Variants in TMPRSS11F observed in about 807,000 individuals in gnomAD.
TMPRSS11F encodes the protein transmembrane serine protease 11F.
Under a neutral mutation model 60.2 loss-of-function variants are expected in TMPRSS11F, and 47 were observed. The observed-to-expected ratio is 0.78, with a 90% CI of 0.62 to 1.00. The LOEUF is 1.00. TMPRSS11F is among the 50% of genes least tolerant of loss of function. TMPRSS11F has a pLI of 0.00. For missense variants in TMPRSS11F, 519 were observed against 522.9 expected, an observed-to-expected ratio of 0.99 and a Z score of 0.07; for synonymous variants, 166 against 167.3, an observed-to-expected ratio of 0.99 and a Z score of 0.06.
rs1724221874 is a variant in TMPRSS11F at position 68,102,951 on chromosome 4, C to A, written c.12-3913G>T. On this transcript the variant is annotated intron_variant, in intron 1 of 9. Coordinates refer to ENST00000356291, the MANE Select transcript of TMPRSS11F (RefSeq NM_207407.2). The stretch of plus-strand genomic sequence containing the variant: ...TTCTGAAAGTTTTGTAGTTTCTGGT[C>A]TTCTATTTAGGTCTTTTATCCAATT... Among the ~76,000 whole-genome samples, 3 of 142,600 alleles carry A rather than the reference C, an allele frequency of 2.1e-5. No individual in the cohort carries two copies. In the South Asian group the frequency reaches 6.7e-4, roughly 32 times the overall value. The allele number at this position is 142,600 out of a possible 152,430, so 93.6% of individuals were successfully genotyped here. A position where few individuals can be genotyped will look rare whatever the true frequency, so the allele number is the denominator to read the frequency against.
intron 1 of TMPRSS11F, among the ~76,000 whole-genome samples, chr4:68,109,877 C>T (rs1018308466): frequency 1.3e-5 from 2 of 152,008 alleles, no homozygotes; most frequent in African/African-American, 4.8e-5. Context: ...TTGATGACAT[C>T]AAGATGAAGA....
rs150188649 is a variant in TMPRSS11F, at chr4:68,064,890, G to C, written c.810C>G (p.Pro270=). The C allele has an allele frequency of 3.7e-6, 6 of 1,613,808 alleles. No homozygotes were observed. The highest frequency in any genetic ancestry group is 1.6e-4 in the Middle Eastern group (1 of 6,066). Residue 270 remains proline (P), a synonymous_variant, in exon 8 of 10, where the codon CCC becomes CCG. Transcript: ENST00000356291. Reference sequence around the variant, plus strand: ...TTTTCCTCACATTTCGTTTCACTGCGGGTGGTGTTATAGTTGCACCAAAAG... The same window carrying C: ...TTTTCCTCACATTTCGTTTCACTGCCGGTGGTGTTATAGTTGCACCAAAAG... ...IATFGATITP[P]AVKRNVRKII...
At chr4:68,114,016 G>T (rs770368696) in intron 1 of TMPRSS11F, among the ~76,000 whole-genome samples, 1 of 151,880 alleles carries the variant, frequency 6.6e-6, no homozygotes, top group African/African-American at 2.4e-5. Flanking sequence ...TAAACAACAA[G>T]CTTCTAAATG....
chr4:68,108,926 T>C (rs1303359232), intron 1 of TMPRSS11F, among the ~76,000 whole-genome samples: 1 of 152,166 alleles, frequency 6.6e-6, no homozygotes, highest in Admixed American at 6.5e-5. Flanking sequence ...TACAGTTAAC[T>C]TACAATTAAT....
At chr4:68,055,275 T>C (rs1723020795) in intron 9 of TMPRSS11F, among the ~76,000 whole-genome samples, 1 of 152,182 alleles carries the variant, frequency 6.6e-6, no homozygotes, top group South Asian at 2.1e-4. Flanking sequence ...CACTGAAGTG[T>C]TTCAGAGAGA....
intron 1 of TMPRSS11F, among the ~76,000 whole-genome samples, chr4:68,120,284 G>A (rs1165437862): frequency 2.6e-5 from 4 of 152,032 alleles, no homozygotes; most frequent in African/African-American, 9.7e-5. Flanking sequence ...TGATAAAGCA[G>A]TGGCAGAGTT....
chr4:68,076,000 A>C (rs1723576506), intron 3 of TMPRSS11F, among the ~76,000 whole-genome samples: 1 of 150,472 alleles, frequency 6.6e-6, no homozygotes, highest in African/African-American at 2.5e-5. Flanking sequence ...CTCCAAAAAA[A>C]GAAAAAAAAA....
Position 68,068,810 on chromosome 4 carries a change from A to G in TMPRSS11F, c.563T>C (p.Ile188Thr). ...TGGCATGTTTGAAGATGTCATCCTT[A>G]TTCCACAGCCTGCCACAGAAATACA... ...MRNLLNSRCGIRMTSSNMPLP... is the reference protein window; with the variant it reads ...MRNLLNSRCGTRMTSSNMPLP... The change falls in exon 7 of 10, where the codon ATA becomes ACA. Residue 188 changes from isoleucine (I) to threonine (T), a missense_variant. Transcript: ENST00000356291. The G allele has an allele frequency of 6.2e-7, 1 of 1,614,128 alleles. No homozygotes were observed. Among genetic ancestry groups the G allele is most frequent in the Middle Eastern group, 1.6e-4 (1 of 6,062 alleles).
chr4:68,091,181 T>C lies in TMPRSS11F; in HGVS notation c.164-540A>G, dbSNP rs146125575. ...AAGCTGTCTTTTTCAAGGACAACCA[T>C]TGTAATGTCTTTCATGGTTTTGTTT... is the stretch of plus-strand genomic sequence containing the variant. On this transcript the variant is annotated intron_variant, in intron 2 of 9. Coordinates refer to ENST00000356291, the MANE Select transcript of TMPRSS11F (RefSeq NM_207407.2). Among the ~76,000 whole-genome samples the C allele has an allele frequency of 3.2e-3, 488 of 152,302 alleles. 1 individual carries two copies. The highest frequency in any genetic ancestry group is 5.1e-3 in the Non-Finnish European group (350 of 68,022).
intron 9 of TMPRSS11F, among the ~76,000 whole-genome samples, chr4:68,056,134 T>C (rs1723039042): frequency 6.6e-6 from 1 of 152,160 alleles, no homozygotes; most frequent in Non-Finnish European, 1.5e-5. Flanking sequence ...AAAGGATATC[T>C]ACTCTGATTT....
At chr4:68,098,837 T>C (rs76699618) in intron 2 of TMPRSS11F, 50 bp downstream of exon 2, 21,775 of 1,512,130 alleles carry the variant, frequency 0.014, 218 homozygotes, top group Non-Finnish European at 0.018. Context: ...AATTTCAAGA[T>C]ACGAAGTCAT....
At position 68,073,922 on chromosome 4, in the gene TMPRSS11F, T is replaced by G. The variant is rs773659472; in HGVS notation, c.350+20A>C. 6.6e-7 allele frequency: 1 copy of G among 1,517,164 alleles called. No individual in the cohort carries two copies. The highest frequency in any genetic ancestry group is 8.9e-7 in the Non-Finnish European group (1 of 1,118,508). 94.0% of individuals were successfully genotyped at this position (1,517,164 alleles called of 1,614,324 possible). A position where few individuals can be genotyped will look rare whatever the true frequency, so the allele number is the denominator to read the frequency against. On this transcript the variant is annotated intron_variant, in intron 4 of 9. Coordinates refer to ENST00000356291, the MANE Select transcript of TMPRSS11F (RefSeq NM_207407.2). ...CATCTTAACAGTATTAACTTGAAAT[T>G]ATAAACCAAATTTACATACCTTAAT...
intron 1 of TMPRSS11F, among the ~76,000 whole-genome samples, chr4:68,112,984 A>G (rs1162819544): frequency 6.6e-6 from 1 of 152,222 alleles, no homozygotes; most frequent in Non-Finnish European, 1.5e-5. Context: ...TTTTTCTAAT[A>G]TTATACAAAT....
At chr4:68,062,792 A>G in intron 8 of TMPRSS11F, 1 of 746,710 alleles carries the variant, frequency 1.3e-6, no homozygotes, top group Non-Finnish European at 2.5e-6. Context: ...GCGGATGGAT[A>G]TCTTGCATTT....
intron 1 of TMPRSS11F, among the ~76,000 whole-genome samples, chr4:68,124,378 T>A (rs1724677428): frequency 6.6e-6 from 1 of 152,102 alleles, no homozygotes; most frequent in Admixed American, 6.6e-5. Context: ...GGGGTGCGCC[T>A]GTGGTCCCAG....
At chr4:68,070,758 T>C (rs1323096635) in intron 5 of TMPRSS11F, among the ~76,000 whole-genome samples, 1 of 152,232 alleles carries the variant, frequency 6.6e-6, no homozygotes, top group Non-Finnish European at 1.5e-5. Flanking sequence ...AGTGATTGGT[T>C]TTCTGTTTGT....
rs556251229 is a variant in TMPRSS11F, at chr4:68,068,514, T to G, written c.755+104A>C. The G allele has an allele frequency of 1.1e-5, 10 of 938,096 alleles. No individual in the cohort carries two copies. The African/African-American group carries it at 1.6e-4, about 15-fold the overall frequency. The allele number at this position is 938,096 out of a possible 1,614,324, so 58.1% of individuals were successfully genotyped here. A position where few individuals can be genotyped will look rare whatever the true frequency, so the allele number is the denominator to read the frequency against. On this transcript the variant is annotated intron_variant, in intron 7 of 9. Coordinates refer to ENST00000356291, the MANE Select transcript of TMPRSS11F (RefSeq NM_207407.2). ...AGGGGACAGCTAGGTCTACCCTGAA[T>G]GGAGCAAAGGTTAAACTGGAGAGAC...
chr4:68,078,229 A>T (rs975915441), intron 3 of TMPRSS11F, among the ~76,000 whole-genome samples: 3 of 152,182 alleles, frequency 2.0e-5, no homozygotes, highest in Non-Finnish European at 4.4e-5. Context: ...TCCTAATCAC[A>T]GTAGGCTGGT....
chr4:68,068,274 C>T (rs1180597611), intron 7 of TMPRSS11F, among the ~76,000 whole-genome samples: 1 of 152,036 alleles, frequency 6.6e-6, no homozygotes, highest in East Asian at 1.9e-4. Context: ...TGGAAAAAAA[C>T]AAAAGTAGCT....
Sources: gnomAD v4.1 joint callset for allele counts (sites outside exome capture counted in the v4.1 genomes callset) on GRCh38, gnomAD v4.1.1 for gene constraint, MANE v1.5 for transcripts, NCBI Gene and HGNC (gene_info 2026-07-23, HGNC 2026-07-21) for gene names.